The following SPEF2 variants were observed in gnomAD, a reference collection of about 807,000 sequenced individuals.
The protein encoded by SPEF2 is sperm flagella and cilia-associated protein 2.
A neutral mutation model predicts 224.6 loss-of-function variants in SPEF2; 187 were observed. That is an observed-to-expected ratio of 0.83 (90% CI 0.74 to 0.94). SPEF2 has a LOEUF of 0.94. Among genes scored for constraint, SPEF2 ranks in the 40% least tolerant of loss-of-function variants. The pLI, the probability that SPEF2 is intolerant of heterozygous loss-of-function variation, is 0.00. For synonymous variants in SPEF2, 715 were observed against 707.3 expected, an observed-to-expected ratio of 1.01 and a Z score of -0.17; for missense variants, 2,170 against 2,135.6, an observed-to-expected ratio of 1.02 and a Z score of -0.32.
intron 19 of SPEF2, chr5:35,709,334 T>C: frequency 1.4e-6 from 2 of 1,381,166 alleles, no homozygotes; most frequent in Non-Finnish European, 1.9e-6. Flanking sequence ...GGAGGAGACA[T>C]GGAGTCATCA....
At chr5:35,788,791 C>A (rs1755547313) in intron 30 of SPEF2, 4 of 702,980 alleles carry the variant, frequency 5.7e-6, no homozygotes, top group Non-Finnish European at 1.0e-5. Flanking sequence ...AACTATCTTA[C>A]AAAGCGGTGT....
chr5:35,759,765 G>T (rs773869180), intron 25 of SPEF2, 46 bp downstream of exon 25: 135 of 1,429,172 alleles, frequency 9.4e-5, no homozygotes, highest in Admixed American at 2.8e-4. Flanking sequence ...TGAACATAAA[G>T]CTTTGTGATT....
intron 14 of SPEF2, 92 bp downstream of exon 14, chr5:35,695,888 C>G: frequency 1.1e-6 from 1 of 884,694 alleles, no homozygotes; most frequent in Non-Finnish European, 1.7e-6. Context: ...AATGAAATTG[C>G]AATGTGCTCT....
chr5:35,679,681 T>C (rs1310374016), intron 10 of SPEF2, among the ~76,000 whole-genome samples: 1 of 152,216 alleles, frequency 6.6e-6, no homozygotes. Context: ...ACGTACCCAT[T>C]GACATGGGCT....
chr5:35,708,621 CTCCA>C (rs1740370246), intron 18 of SPEF2, among the ~76,000 whole-genome samples: 1 of 151,714 alleles, frequency 6.6e-6, no homozygotes. Flanking sequence ...CCACCTCTAC[CTCCA>C]CCACCATCAC....
intron 10 of SPEF2, among the ~76,000 whole-genome samples, chr5:35,685,790 A>C (rs1383227563): frequency 1.3e-5 from 2 of 151,878 alleles, no homozygotes; most frequent in East Asian, 3.9e-4. Context: ...TAAACTAGGA[A>C]AGAGTTCCCC....
At chr5:35,738,397 G>A (rs1320843433) in intron 21 of SPEF2, among the ~76,000 whole-genome samples, 1 of 151,538 alleles carries the variant, frequency 6.6e-6, no homozygotes, top group East Asian at 2.0e-4. Flanking sequence ...TGTATAAGGT[G>A]TAAGGAAGGG....
At chr5:35,759,862 T>G (rs1338373479) in intron 25 of SPEF2, 143 bp downstream of exon 25, 2 of 765,298 alleles carry the variant, frequency 2.6e-6, no homozygotes, top group Non-Finnish European at 3.9e-6. Context: ...ACATGTTTTT[T>G]TTTTAACGTT....
At chr5:35,744,527 C>T (rs920530885) in intron 23 of SPEF2, among the ~76,000 whole-genome samples, 1 of 152,190 alleles carries the variant, frequency 6.6e-6, no homozygotes, top group Admixed American at 6.5e-5. Flanking sequence ...GAGCCACAGA[C>T]ATGATGTTAC....
chr5:35,659,258 C>T, intron 8 of SPEF2, 51 bp downstream of exon 8: 1 of 1,492,558 alleles, frequency 6.7e-7, no homozygotes, highest in Non-Finnish European at 9.0e-7. Context: ...TTGTTTCTTT[C>T]TACCAAGTCG....
At chr5:35,623,649 G>C (rs1409070016) in intron 1 of SPEF2, among the ~76,000 whole-genome samples, 2 of 152,188 alleles carry the variant, frequency 1.3e-5, no homozygotes, top group Non-Finnish European at 2.9e-5. Flanking sequence ...AGACCAGTGG[G>C]GGAGTTATAG....
chr5:35,769,982 C>T (rs1051815809), intron 26 of SPEF2, among the ~76,000 whole-genome samples: 1 of 126,018 alleles, frequency 7.9e-6, no homozygotes, highest in Non-Finnish European at 1.7e-5. Context: ...TTGCTACTGC[C>T]TCCATAATGT....
At chr5:35,619,813 A>C (rs1440528989) in intron 1 of SPEF2, among the ~76,000 whole-genome samples, 3 of 152,216 alleles carry the variant, frequency 2.0e-5, no homozygotes, top group Admixed American at 6.5e-5. Flanking sequence ...AAATAAAAAC[A>C]GTAGATGCCA....
chr5:35,631,340 T>A (rs1008423468), intron 2 of SPEF2, among the ~76,000 whole-genome samples: 1 of 152,172 alleles, frequency 6.6e-6, no homozygotes, highest in African/African-American at 2.4e-5. Context: ...GAGCTACAAG[T>A]TGAGATTTGG....
chr5:35,764,368 A>G (rs1187143910), intron 26 of SPEF2, among the ~76,000 whole-genome samples: 2 of 151,946 alleles, frequency 1.3e-5, no homozygotes, highest in Non-Finnish European at 2.9e-5. Context: ...TAAATATCCA[A>G]ATGAAATTTG....
chr5:35,682,642 T>C (rs1753001392), intron 10 of SPEF2, among the ~76,000 whole-genome samples: 1 of 152,238 alleles, frequency 6.6e-6, no homozygotes, highest in Non-Finnish European at 1.5e-5. Context: ...CACCTTTGAA[T>C]GTCTCTGCTA....
chr5:35,644,436 G>C lies in SPEF2; in HGVS notation c.496G>C (p.Val166Leu). ...TYRFQEKYKH[V>L]KEDLAHLHFE... ...CAGGTTTCAAGAAAAATATAAACAC[G>C]TGAAAGAAGATCTTGCCCATTTGCA... The change falls in exon 4 of 37, where the codon GTG becomes CTG. Residue 166 changes from valine to leucine, a missense_variant. Transcript: ENST00000356031. 5 of 1,611,358 alleles carry C rather than the reference G, an allele frequency of 3.1e-6. No individual in the cohort carries two copies. Among genetic ancestry groups the C allele is most frequent in the Non-Finnish European group, 4.2e-6 (5 of 1,178,796 alleles).
At chr5:35,812,984 T>C (rs915759862) in intron 36 of SPEF2, among the ~76,000 whole-genome samples, 1 of 152,218 alleles carries the variant, frequency 6.6e-6, no homozygotes, top group Non-Finnish European at 1.5e-5. Context: ...CAGGCTCTTC[T>C]CCATTCACTG....
At chr5:35,730,366 C>G (rs1030111154) in intron 21 of SPEF2, among the ~76,000 whole-genome samples, 1 of 152,238 alleles carries the variant, frequency 6.6e-6, no homozygotes, top group Non-Finnish European at 1.5e-5. Context: ...CGAAAAGAGG[C>G]AGCCATGCCT....
Sources: allele counts gnomAD v4.1 joint callset (sites outside exome capture counted in the v4.1 genomes callset), GRCh38; gene constraint gnomAD v4.1.1; transcripts MANE v1.5; gene names NCBI Gene and HGNC (gene_info 2026-07-23, HGNC 2026-07-21).